The following CDH13 variants were observed in gnomAD, a reference collection of about 807,000 sequenced individuals.
CDH13 encodes cadherin 13.
CDH13 carries 24 observed loss-of-function variants against 63.8 expected under a neutral mutation model. The ratio of observed to expected loss-of-function variants is 0.38; its 90% CI spans 0.27 to 0.53. The LOEUF is 0.53. Among genes scored for constraint, CDH13 ranks in the 20% least tolerant of loss-of-function variants. The pLI is 0.85. For synonymous variants in CDH13, 503 were observed against 355.3 expected (o/e 1.42, Z -4.67); for missense variants, 1,049 against 903.1 (o/e 1.16, Z -2.07).
intron 1 of CDH13, among the ~76,000 whole-genome samples, chr16:82,760,085 C>A (rs1245895877): frequency 6.6e-6 from 1 of 152,098 alleles, no homozygotes; most frequent in African/African-American, 2.4e-5. Flanking sequence ...TTCCAAAATC[C>A]TTATGATTTT....
intron 3 of CDH13, among the ~76,000 whole-genome samples, chr16:83,079,625 T>C (rs1472192411): frequency 6.6e-6 from 1 of 152,224 alleles, no homozygotes; most frequent in African/African-American, 2.4e-5. Flanking sequence ...TCTTTGTAGT[T>C]GTCATTGTTA....
At chr16:82,796,674 GA>G (rs2036595138) in intron 1 of CDH13, among the ~76,000 whole-genome samples, 1 of 152,216 alleles carries the variant, frequency 6.6e-6, no homozygotes, top group Non-Finnish European at 1.5e-5. Flanking sequence ...CGCTCAATCA[GA>G]ATGGACACTG....
intron 4 of CDH13, among the ~76,000 whole-genome samples, chr16:83,168,529 G>T (rs1239908768): frequency 6.6e-6 from 1 of 151,854 alleles, no homozygotes; most frequent in Non-Finnish European, 1.5e-5. Context: ...TCTCCAAAAT[G>T]CCGACTCCAG....
chr16:83,682,134 A>G (rs1269238210), intron 10 of CDH13, among the ~76,000 whole-genome samples: 2 of 152,256 alleles, frequency 1.3e-5, no homozygotes, highest in African/African-American at 2.4e-5. Flanking sequence ...AAAGAAGTGC[A>G]GCATAGAGTA....
At chr16:82,729,653 G>A (rs2033290647) in intron 1 of CDH13, among the ~76,000 whole-genome samples, 1 of 152,154 alleles carries the variant, frequency 6.6e-6, no homozygotes, top group African/African-American at 2.4e-5. Context: ...TGGTCAATGA[G>A]CATTGGCTTC....
intron 7 of CDH13, among the ~76,000 whole-genome samples, chr16:83,521,505 C>T (rs961760113): frequency 6.6e-6 from 1 of 152,136 alleles, no homozygotes; most frequent in East Asian, 1.9e-4. Context: ...CAATAAAATG[C>T]AGTTTAAAGA....
At chr16:83,011,279 G>T (rs1350971169) in intron 2 of CDH13, among the ~76,000 whole-genome samples, 1 of 152,106 alleles carries the variant, frequency 6.6e-6, no homozygotes, top group Non-Finnish European at 1.5e-5. Flanking sequence ...ACACAGAGTT[G>T]TAAAAAGCTC....
At chr16:82,726,626 A>G (rs1396812409) in intron 1 of CDH13, among the ~76,000 whole-genome samples, 3 of 152,228 alleles carry the variant, frequency 2.0e-5, no homozygotes, top group African/African-American at 7.2e-5. Flanking sequence ...CGCCTTGGGC[A>G]CACTCCATAA....
intron 12 of CDH13, among the ~76,000 whole-genome samples, chr16:83,780,418 GC>G (rs1199820952): frequency 6.6e-6 from 1 of 152,112 alleles, no homozygotes; most frequent in East Asian, 1.9e-4. Context: ...TTTCTCTTCT[GC>G]TTCCTCTCTG....
In CDH13 at chr16:83,800,620, A is replaced by C. The variant is rs1904316183; in HGVS notation, c.*5590A>C. The C allele has an allele frequency of 6.6e-6, 1 of 152,250 alleles. No individual in the cohort carries two copies. Among genetic ancestry groups the C allele is most frequent in the Non-Finnish European group, 1.5e-5 (1 of 68,050 alleles). 9.4% of individuals were successfully genotyped at this position (152,250 alleles called of 1,614,324 possible). ...AACTTGTTTGTGAAACATTCAAATA[A>C]AGCTTATCTGGGATTTTTAACTTGT... On this transcript the variant is annotated 3_prime_UTR_variant, in exon 14 of 14. Coordinates refer to ENST00000567109, the MANE Select transcript of CDH13 (RefSeq NM_001257.5).
intron 1 of CDH13, among the ~76,000 whole-genome samples, chr16:82,805,285 C>T (rs1259498113): frequency 1.3e-5 from 2 of 152,100 alleles, no homozygotes; most frequent in Non-Finnish European, 2.9e-5. Flanking sequence ...GATGATAAAG[C>T]TGAATGGTGA....
chr16:83,277,335 A>G (rs75077692), intron 5 of CDH13, among the ~76,000 whole-genome samples: 4,288 of 152,208 alleles, frequency 0.028, 190 homozygotes, highest in African/African-American at 0.089. Flanking sequence ...ATGTTCTCCA[A>G]AGTATGGGGA....
chr16:83,090,183 C>T (rs1458256077), intron 3 of CDH13, among the ~76,000 whole-genome samples: 1 of 152,206 alleles, frequency 6.6e-6, no homozygotes, highest in African/African-American at 2.4e-5. Flanking sequence ...CTACCTCCCA[C>T]TTTTCCTCAA....
At chr16:82,996,537 C>A (rs1006690191) in intron 2 of CDH13, among the ~76,000 whole-genome samples, 3 of 152,156 alleles carry the variant, frequency 2.0e-5, no homozygotes, top group Admixed American at 6.5e-5. Context: ...GCTGCAGAGT[C>A]AGGTGATACA....
intron 4 of CDH13, among the ~76,000 whole-genome samples, chr16:83,134,316 A>C (rs2036180350): frequency 6.6e-6 from 1 of 152,044 alleles, no homozygotes; most frequent in Non-Finnish European, 1.5e-5. Context: ...CAGCTTCCCA[A>C]GTAACTGGGA....
intron 6 of CDH13, among the ~76,000 whole-genome samples, chr16:83,420,777 A>G (rs142625870): frequency 6.5e-4 from 99 of 152,320 alleles, no homozygotes; most frequent in African/African-American, 2.2e-3. Context: ...AGGGAAACCA[A>G]CAATGCAACC....
chr16:83,138,713 G>T (rs748732750), intron 4 of CDH13, among the ~76,000 whole-genome samples: 3 of 152,156 alleles, frequency 2.0e-5, no homozygotes, highest in Non-Finnish European at 4.4e-5. Context: ...GATCAGATTT[G>T]CATTTCAGGA....
chr16:82,849,116 G>A (rs1377188377), intron 1 of CDH13, among the ~76,000 whole-genome samples: 1 of 152,194 alleles, frequency 6.6e-6, no homozygotes, highest in South Asian at 2.1e-4. Context: ...TTTTCTGAAG[G>A]CTGAGAGGTG....
At chr16:83,282,775 C>T (rs2089211901) in intron 5 of CDH13, among the ~76,000 whole-genome samples, 1 of 152,218 alleles carries the variant, frequency 6.6e-6, no homozygotes, top group South Asian at 2.1e-4. Flanking sequence ...CTTCTGAACA[C>T]ATTGCATTGC....
Sources: gnomAD v4.1 joint callset for allele counts (sites outside exome capture counted in the v4.1 genomes callset) on GRCh38, gnomAD v4.1.1 for gene constraint, MANE v1.5 for transcripts, NCBI Gene and HGNC (gene_info 2026-07-23, HGNC 2026-07-21) for gene names.